The following OSCP1 variants were observed in gnomAD, a reference collection of about 807,000 sequenced individuals.
OSCP1 encodes the protein organic solute carrier partner 1, also known as protein OSCP1.
A neutral mutation model predicts 45.1 loss-of-function variants in OSCP1; 35 were observed. The ratio of observed to expected loss-of-function variants is 0.78; its 90% CI spans 0.59 to 1.03. The LOEUF is 1.03. Ranked by LOEUF, OSCP1 falls within the 50% of genes least tolerant of loss-of-function variation. The pLI, the probability that OSCP1 is intolerant of heterozygous loss-of-function variation, is 0.00. For synonymous variants in OSCP1, 179 were observed against 180.1 expected, an observed-to-expected ratio of 0.99 and a Z score of 0.05; for missense variants, 400 against 470.7, an observed-to-expected ratio of 0.85 and a Z score of 1.39.
At chr1:36,419,262 C>G in intron 8 of OSCP1, 1 of 553,632 alleles carries the variant, frequency 1.8e-6, no homozygotes, top group Middle Eastern at 4.8e-4. Context: ...ATTATAAGCC[C>G]TGCCAAGAAT....
chr1:36,431,906 G>C, intron 3 of OSCP1, 24 bp from the exon 4 acceptor site: 11 of 1,608,150 alleles, frequency 6.8e-6, no homozygotes, highest in Non-Finnish European at 9.3e-6. Flanking sequence ...GCAGAAAGCA[G>C]CACTTCACTT....
intron 4 of OSCP1, chr1:36,428,281 G>A (rs777385527): frequency 1.9e-6 from 3 of 1,557,282 alleles, no homozygotes; most frequent in Non-Finnish European, 2.6e-6. Context: ...AATACAATAA[G>A]GCACTAAATA....
At chr1:36,437,299 C>A (rs950925317) in intron 2 of OSCP1, among the ~76,000 whole-genome samples, 1 of 151,018 alleles carries the variant, frequency 6.6e-6, no homozygotes, top group African/African-American at 2.4e-5. Context: ...CATTATTATT[C>A]AGAGGTAGAT....
Position 36,419,046 on chromosome 1 carries a change from G to T in OSCP1, c.968C>A (p.Ala323Glu). The T allele has an allele frequency of 6.2e-7, 1 of 1,611,950 alleles. No individual in the cohort carries two copies. Among genetic ancestry groups the T allele is most frequent in the Non-Finnish European group, 8.5e-7 (1 of 1,178,042 alleles). ...GGATAACTCTTCTGGCCTGGTTAGC[G>T]CTGCTTGTCTGGATGAGATGGTAAA... ...FTTDEEEEQA[A>E]LTRPEELSYE... The change falls in exon 9 of 10, where the codon GCG (alanine) becomes GAG (glutamate). Residue 323 changes from alanine to glutamate, a missense_variant. By Grantham distance (107) the Ala-to-Glu change is moderately radical. Transcript: ENST00000235532.
intron 8 of OSCP1, 101 bp downstream of exon 8, chr1:36,420,375 C>G: frequency 3.7e-6 from 5 of 1,354,460 alleles, no homozygotes; most frequent in Non-Finnish European, 5.1e-6. Flanking sequence ...GTGATATTTA[C>G]ACAAATATTT....
chr1:36,422,622 C>A, intron 6 of OSCP1, 146 bp downstream of exon 6: 1 of 779,576 alleles, frequency 1.3e-6, no homozygotes, highest in Non-Finnish European at 2.0e-6. Flanking sequence ...AAATGTCAGG[C>A]CTCTGTATGC....
chr1:36,438,178 A>C (rs144918124), intron 2 of OSCP1, among the ~76,000 whole-genome samples: 1 of 152,114 alleles, frequency 6.6e-6, no homozygotes, highest in East Asian at 1.9e-4. Context: ...TTAGCCTGGC[A>C]TGGTGGCGCA....
intron 2 of OSCP1, among the ~76,000 whole-genome samples, chr1:36,438,317 CAAAAA>C (rs35430845): frequency 1.4e-5 from 1 of 73,800 alleles, no homozygotes; most frequent in East Asian, 4.0e-4. Flanking sequence ...AACTCCATCT[CAAAAA>C]AAAAAAAAAA....
intron 2 of OSCP1, among the ~76,000 whole-genome samples, chr1:36,438,429 G>A (rs1429997876): frequency 6.6e-6 from 1 of 151,656 alleles, no homozygotes; most frequent in East Asian, 1.9e-4. Flanking sequence ...GATCAAGGCC[G>A]CAGTGAGCTA....
chr1:36,424,370 G>A (rs1397467004), intron 4 of OSCP1, among the ~76,000 whole-genome samples: 1 of 152,230 alleles, frequency 6.6e-6, no homozygotes, highest in Admixed American at 6.5e-5. Context: ...GGCAGGGCCA[G>A]GATTCAAAAC....
chr1:36,423,296 C>A (rs537239787), intron 5 of OSCP1, 67 bp downstream of exon 5: 1 of 1,259,674 alleles, frequency 7.9e-7, no homozygotes, highest in South Asian at 1.2e-5. Flanking sequence ...TGCGGCATTC[C>A]GTGTGCGGCC....
In OSCP1 at chr1:36,423,384, G is replaced by A; in HGVS notation, c.599C>T (p.Thr200Ile). The A allele has an allele frequency of 1.2e-6, 2 of 1,612,456 alleles. No individual in the cohort carries two copies. The highest frequency in any genetic ancestry group is 1.7e-6 in the Non-Finnish European group (2 of 1,178,514). ...TCACCTGATGAGTCCTGGAACTTCAGTTCCCCAAGGAACAGGCCCGGACAC... is the reference window on the plus strand; with the variant it reads ...TCACCTGATGAGTCCTGGAACTTCAATTCCCCAAGGAACAGGCCCGGACAC... Reference protein sequence around the residue: ...LPVSGPVPWGTEVPGLIRMFN... With the variant: ...LPVSGPVPWGIEVPGLIRMFN... Residue 200 changes from threonine (T) to isoleucine (I), a missense_variant, in exon 5 of 10, where the codon ACT becomes ATT. By Grantham distance (89) the Thr-to-Ile change is moderately conservative. Transcript: ENST00000235532.
intron 9 of OSCP1, chr1:36,418,500 G>A (rs1434587432): frequency 3.6e-6 from 2 of 551,136 alleles, no homozygotes; most frequent in Admixed American, 6.1e-5. Context: ...GATGGGTATA[G>A]TTAAGAAACA....
rs914074132 is a variant in OSCP1 at position 36,447,246 on chromosome 1, C to T, written c.112+3012G>A. The stretch of plus-strand genomic sequence containing the variant: ...TGGAAGACATGAGTATTTCTCAGCC[C>T]GTTGAATCCTATGCTCTCTACCCTG... On this transcript the variant is annotated intron_variant, in intron 1 of 9. Coordinates refer to ENST00000235532, the MANE Select transcript of OSCP1 (RefSeq NM_145047.5). The surrounding 1 kb of genome is among the most constrained non-coding windows in gnomAD (Gnocchi z 4.1). Among the ~76,000 whole-genome samples, 10 of 152,162 alleles carry T rather than the reference C, an allele frequency of 6.6e-5. No individual in the cohort carries two copies. Among genetic ancestry groups the T allele is most frequent in the East Asian group, 1.9e-4 (1 of 5,200 alleles).
chr1:36,444,118 T>C (rs1649363504), intron 1 of OSCP1: 1 of 1,448,424 alleles, frequency 6.9e-7, no homozygotes, highest in African/African-American at 1.4e-5. Context: ...CCAATTCCAA[T>C]GATCTTATCT....
intron 1 of OSCP1, among the ~76,000 whole-genome samples, chr1:36,445,368 A>C (rs916604101): frequency 6.6e-6 from 1 of 152,222 alleles, no homozygotes; most frequent in Non-Finnish European, 1.5e-5. Flanking sequence ...CAAAAACCCC[A>C]AAACCATTTT....
At chr1:36,443,569 A>G (rs1333662405) in intron 1 of OSCP1, among the ~76,000 whole-genome samples, 1 of 152,078 alleles carries the variant, frequency 6.6e-6, no homozygotes, top group Non-Finnish European at 1.5e-5. Context: ...ACATGCTTCA[A>G]TTTTTCTCGG....
Position 36,426,510 on chromosome 1 carries a change from G to A in OSCP1, c.517-3044C>T, listed in dbSNP as rs1647971014. ...GCCTGTCACACATTTCCATCTATGGGTCCCCTAGGATGTACCTCAAATTCC... is the reference window on the plus strand; with the variant it reads ...GCCTGTCACACATTTCCATCTATGGATCCCCTAGGATGTACCTCAAATTCC... On this transcript the variant is annotated intron_variant, in intron 4 of 9. Coordinates refer to ENST00000235532, the MANE Select transcript of OSCP1 (RefSeq NM_145047.5). Among the ~76,000 whole-genome samples, 6 of 152,122 alleles carry A rather than the reference G, an allele frequency of 3.9e-5. No homozygotes were observed. The South Asian group carries it at 1.0e-3, about 26-fold the overall frequency.
At chr1:36,438,329 A>G (rs1158394785) in intron 2 of OSCP1, among the ~76,000 whole-genome samples, 1 of 151,150 alleles carries the variant, frequency 6.6e-6, no homozygotes, top group African/African-American at 2.4e-5. Context: ...AAAAAAAAAA[A>G]AAAAAAAAAA....
Sources: allele counts gnomAD v4.1 joint callset (sites outside exome capture counted in the v4.1 genomes callset), GRCh38; gene constraint gnomAD v4.1.1; non-coding constraint Gnocchi (gnomAD v3.1); transcripts MANE v1.5; gene names NCBI Gene and HGNC (gene_info 2026-07-23, HGNC 2026-07-21).